Variants in CASP8 observed in about 807,000 individuals in gnomAD.
CASP8 encodes the protein caspase 8.
In CASP8, 24 loss-of-function variants were observed where a neutral mutation model predicts 46.3. The ratio of observed to expected loss-of-function variants is 0.52; its 90% CI spans 0.38 to 0.73. The LOEUF (loss-of-function observed/expected upper bound fraction) is 0.73, where lower values mean the gene tolerates loss of function less well. Ranked by LOEUF, CASP8 falls within the 30% of genes least tolerant of loss-of-function variation. The pLI is 0.00. For synonymous variants in CASP8, 188 were observed against 200.4 expected (o/e 0.94, Z 0.52); for missense variants, 460 against 559.0 (o/e 0.82, Z 1.79).
At chr2:201,254,137 A>G (rs2125017898) in intron 2 of CASP8, among the ~76,000 whole-genome samples, 1 of 152,124 alleles carries the variant, frequency 6.6e-6, no homozygotes, top group Admixed American at 6.5e-5. Flanking sequence ...TATTGGAATC[A>G]GAGTCTAACA....
intron 2 of CASP8, among the ~76,000 whole-genome samples, chr2:201,270,187 C>T (rs891534745): frequency 2.0e-5 from 3 of 152,168 alleles, no homozygotes; most frequent in Non-Finnish European, 4.4e-5. Context: ...CAAGCATATT[C>T]CAAGAGCCTA....
rs539029508 is a variant in CASP8 at position 201,285,183 on chromosome 2, G to A, written c.1170G>A (p.Thr390=). The change falls in exon 8 of 9, where the codon ACG becomes ACA. Residue 390 remains threonine (T), a synonymous_variant. Coordinates refer to ENST00000673742, the MANE Select transcript of CASP8 (RefSeq NM_001372051.1). ...YLEMDLSSPQ[T]RYIPDEADFL... is the part of the protein sequence containing the mutation. ...AAATGGATTTATCATCACCTCAAAC[G>A]AGATATATCCCGGATGAGGCTGACT... The A allele has an allele frequency of 1.9e-6, 3 of 1,614,178 alleles. No homozygotes were observed. In the African/African-American group the frequency reaches 4.0e-5, roughly 22 times the overall value.
chr2:201,268,626 AGGTT>A (rs1195115785), intron 2 of CASP8, among the ~76,000 whole-genome samples: 2 of 152,216 alleles, frequency 1.3e-5, no homozygotes, highest in African/African-American at 4.8e-5. Flanking sequence ...ACAAACTAGC[AGGTT>A]TAAAACAGTT....
chr2:201,258,342 GGACTCGGA>G, upstream of CASP8: 3 of 1,613,956 alleles, frequency 1.9e-6, no homozygotes, highest in Non-Finnish European at 2.5e-6. Context: ...GCAGGTTAGG[GGACTCGGA>G]GACTGCGATG....
intron 2 of CASP8, among the ~76,000 whole-genome samples, chr2:201,271,041 C>T (rs1189948312): frequency 6.6e-6 from 1 of 152,058 alleles, no homozygotes; most frequent in Non-Finnish European, 1.5e-5. Flanking sequence ...TTCGTGTTTG[C>T]GGTCTGGTCT....
At chr2:201,267,700 T>TATCG (rs1947923198) in intron 2 of CASP8, among the ~76,000 whole-genome samples, 1 of 152,210 alleles carries the variant, frequency 6.6e-6, no homozygotes, top group East Asian at 1.9e-4. Flanking sequence ...TATCGGACAC[T>TATCG]ACTTAAAGCA....
At chr2:201,270,437 CAACACCAATA>C (rs1948161671) in intron 2 of CASP8, among the ~76,000 whole-genome samples, 1 of 152,212 alleles carries the variant, frequency 6.6e-6, no homozygotes, top group Non-Finnish European at 1.5e-5. Flanking sequence ...ACCAAGGCTC[CAACACCAATA>C]GCCTGGGTCC....
intron 2 of CASP8, among the ~76,000 whole-genome samples, chr2:201,268,268 G>C (rs1947968789): frequency 6.6e-6 from 1 of 152,184 alleles, no homozygotes; most frequent in Admixed American, 6.5e-5. Context: ...GAGATATTCT[G>C]GGCCGGGTGA....
At chr2:201,250,801 T>C (rs943623722) in intron 2 of CASP8, among the ~76,000 whole-genome samples, 6 of 152,238 alleles carry the variant, frequency 3.9e-5, no homozygotes, top group Non-Finnish European at 5.9e-5. Context: ...GTTCCATAGT[T>C]TCCATTAGGG....
Position 201,287,135 on chromosome 2 carries a change from G to A in CASP8, c.*541G>A, listed in dbSNP as rs1305584092. ...TACAAAATCCAGCTATGAATATAGA[G>A]GGCTTATGATTCAGATTGTTATCTA... On this transcript the variant is annotated 3_prime_UTR_variant, in exon 9 of 9. Transcript: ENST00000673742. 6.0e-6 allele frequency: 1 copy of A among 165,498 alleles called. No individual in the cohort carries two copies. Among genetic ancestry groups the A allele is most frequent in the Non-Finnish European group, 1.3e-5 (1 of 74,518 alleles). The allele number at this position is 165,498 out of a possible 1,614,324, so 10.3% of individuals were successfully genotyped here.
rs17860424 is a variant in CASP8, at chr2:201,276,908, C to G, written c.742C>G (p.Arg248Gly). ...CAACAATCACAATTTTGCAAAAGCA[C>G]GGGAGAAAGTGCCCAAACTTCACAG... ...IINNHNFAKAREKVPKLHSIR... is the reference protein window; with the variant it reads ...IINNHNFAKAGEKVPKLHSIR... Residue 248 changes from arginine to glycine, a missense_variant, in exon 7 of 9, where the codon CGG becomes GGG. Physicochemically the swap from Arg to Gly is moderately radical, Grantham distance 125 (BLOSUM62 -2). Transcript: ENST00000673742. The G allele has an allele frequency of 1.9e-6, 3 of 1,613,936 alleles. No individual in the cohort carries two copies. Among genetic ancestry groups the G allele is most frequent in the Non-Finnish European group, 2.5e-6 (3 of 1,179,888 alleles).
intron 6 of CASP8, 98 bp downstream of exon 6, chr2:201,275,051 G>C (rs1948540132): frequency 3.4e-6 from 3 of 883,150 alleles, no homozygotes; most frequent in Admixed American, 4.6e-5. Context: ...AAACTGACAA[G>C]GGGCAGAAAC....
At chr2:201,245,316 C>T (rs1472259473) in intron 2 of CASP8, among the ~76,000 whole-genome samples, 2 of 152,040 alleles carry the variant, frequency 1.3e-5, no homozygotes, top group African/African-American at 4.8e-5. Flanking sequence ...CTCAATCTCA[C>T]TGCTACTTCC....
At chr2:201,251,610 GA>G (rs200356298) in intron 2 of CASP8, among the ~76,000 whole-genome samples, 24,801 of 138,746 alleles carry the variant, frequency 0.18, 2,803 homozygotes, top group South Asian at 0.34. Context: ...AAAAAAAAAA[GA>G]AAAAAAAATG....
At chr2:201,283,714 C>G (rs1232147745) in intron 7 of CASP8, among the ~76,000 whole-genome samples, 1 of 83,714 alleles carries the variant, frequency 1.2e-5, no homozygotes, top group Non-Finnish European at 3.0e-5. Flanking sequence ...CCCTCCCGGA[C>G]GGGGCGGCTG....
intron 2 of CASP8, among the ~76,000 whole-genome samples, chr2:201,235,363 G>A (rs539163718): frequency 9.2e-5 from 14 of 151,966 alleles, no homozygotes; most frequent in Admixed American, 6.5e-4. Flanking sequence ...ATTCTGGAAG[G>A]TACTTTTCTT....
intron 5 of CASP8, among the ~76,000 whole-genome samples, chr2:201,273,477 G>A (rs567581625): frequency 5.9e-5 from 9 of 151,866 alleles, no homozygotes; most frequent in South Asian, 2.1e-4. Flanking sequence ...TCTCCTTGAC[G>A]TGCTGCTCAT....
chr2:201,277,039 G>C, intron 7 of CASP8, 71 bp downstream of exon 7: 1 of 1,125,356 alleles, frequency 8.9e-7, no homozygotes, highest in African/African-American at 1.6e-5. Flanking sequence ...AAAAGGGAGA[G>C]AACAAAAGCT....
At chr2:201,237,438 TAAAAAA>T (rs774127508) in intron 2 of CASP8, among the ~76,000 whole-genome samples, 1 of 46,112 alleles carries the variant, frequency 2.2e-5, no homozygotes, top group Admixed American at 2.0e-4. Flanking sequence ...ATCTTCAGAG[TAAAAAA>T]AAAAAAAAAA....
Sources: gnomAD v4.1 joint callset for allele counts (sites outside exome capture counted in the v4.1 genomes callset) on GRCh38, gnomAD v4.1.1 for gene constraint, MANE v1.5 for transcripts, NCBI Gene and HGNC (gene_info 2026-07-23, HGNC 2026-07-21) for gene names.